Variants in FBXO25 observed in about 807,000 individuals in gnomAD.
The protein encoded by FBXO25 is F-box protein 25.
In FBXO25, 45 loss-of-function variants were observed where a neutral mutation model predicts 51.9. The observed-to-expected ratio is 0.87, with a 90% CI of 0.68 to 1.11. The LOEUF (loss-of-function observed/expected upper bound fraction) is 1.11, where lower values mean the gene tolerates loss of function less well. Ranked by LOEUF, FBXO25 falls within the 50% of genes most tolerant of loss-of-function variation. The probability of loss-of-function intolerance (pLI) is 0.00; values close to 1 mark genes in which losing one functional copy is unlikely to be tolerated. For synonymous variants in FBXO25, 199 were observed against 151.0 expected, an observed-to-expected ratio of 1.32 and a Z score of -2.33; for missense variants, 507 against 428.5, an observed-to-expected ratio of 1.18 and a Z score of -1.62.
chr8:455,094 T>A (rs1385308491), intron 7 of FBXO25, among the ~76,000 whole-genome samples: 1 of 152,114 alleles, frequency 6.6e-6, no homozygotes, highest in Non-Finnish European at 1.5e-5. Flanking sequence ...AATTGACTCC[T>A]GTGAGAAGGT....
chr8:451,612 GAC>G (rs1325279258), intron 7 of FBXO25, among the ~76,000 whole-genome samples, 159 bp downstream of exon 7: 1 of 152,156 alleles, frequency 6.6e-6, no homozygotes, highest in Non-Finnish European at 1.5e-5. Flanking sequence ...AAGGACCAAA[GAC>G]CCCAATGGCT....
At chr8:407,905 C>T (rs1043448150) in intron 1 of FBXO25, among the ~76,000 whole-genome samples, 9 of 152,214 alleles carry the variant, frequency 5.9e-5, no homozygotes, top group South Asian at 2.1e-4. Context: ...TGTCCTTGGG[C>T]CTATTCAAAC....
At chr8:437,423 T>C (rs1471925390) in intron 5 of FBXO25, among the ~76,000 whole-genome samples, 1 of 152,188 alleles carries the variant, frequency 6.6e-6, no homozygotes, top group African/African-American at 2.4e-5. Flanking sequence ...TCTCTGTTGA[T>C]TGCTGCCTTC....
At chr8:449,562 G>C (rs1160414174) in intron 5 of FBXO25, among the ~76,000 whole-genome samples, 1 of 152,202 alleles carries the variant, frequency 6.6e-6, no homozygotes. Context: ...TTGATTTTCT[G>C]ATTGTCTGTT....
At chr8:467,891 AG>A in intron 9 of FBXO25, 1 of 1,523,392 alleles carries the variant, frequency 6.6e-7, no homozygotes, top group South Asian at 1.3e-5. Flanking sequence ...AGCAGGGCTG[AG>A]TGGCCACTTT....
intron 8 of FBXO25, among the ~76,000 whole-genome samples, chr8:462,262 G>A (rs577180434): frequency 2.6e-5 from 4 of 152,230 alleles, no homozygotes; most frequent in East Asian, 1.9e-4. Flanking sequence ...TGAGGTTATC[G>A]TCCATTTCTG....
At position 469,132 on chromosome 8, in the gene FBXO25, G is replaced by A. The variant is rs531871915; in HGVS notation, c.*328G>A. On this transcript the variant is annotated 3_prime_UTR_variant, in exon 10 of 10. Coordinates refer to ENST00000350302, the MANE Select transcript of FBXO25 (RefSeq NM_183420.2). Reference sequence around the variant, plus strand: ...CATTCTTTGTTGACGTGACACTAACGGCCAATAATATGCTTCTTAATTATC... The same window carrying A: ...CATTCTTTGTTGACGTGACACTAACAGCCAATAATATGCTTCTTAATTATC... The A allele has an allele frequency of 2.9e-5, 7 of 240,902 alleles. No individual in the cohort carries two copies. The highest frequency in any genetic ancestry group is 5.5e-5 in the Admixed American group (1 of 18,230). 14.9% of individuals were successfully genotyped at this position (240,902 alleles called of 1,614,324 possible).
rs988363564 is a variant in FBXO25 at position 407,501 on chromosome 8, T to G, written c.-8+435T>G. ...GGTGGGCACGGGGGCCGCCCACAGG[T>G]GCACCGCGCGTCCTCAGCCGCTTCC... On this transcript the variant is annotated intron_variant, in intron 1 of 9. Transcript: ENST00000350302. The G allele has an allele frequency of 3.3e-4, 314 of 938,200 alleles. No individual in the cohort carries two copies. In the African/African-American group the frequency reaches 5.3e-3, roughly 16 times the overall value. The allele number at this position is 938,200 out of a possible 1,614,324, so 58.1% of individuals were successfully genotyped here.
rs897099237 is a variant in FBXO25 at position 470,234 on chromosome 8, A to G, written c.*1430A>G. 9 of 152,306 alleles carry G rather than the reference A, an allele frequency of 5.9e-5. No homozygotes were observed. Among genetic ancestry groups the G allele is most frequent in the African/African-American group, 2.2e-4 (9 of 41,566 alleles). The allele number at this position is 152,306 out of a possible 1,614,324, so 9.4% of individuals were successfully genotyped here. On this transcript the variant is annotated 3_prime_UTR_variant, in exon 10 of 10. Transcript: ENST00000350302. ...CGCCGTTAGCATCAATAACTATGATAAGCATCGTCACACAACAATGTGGCC... is the reference window on the plus strand; with the variant it reads ...CGCCGTTAGCATCAATAACTATGATGAGCATCGTCACACAACAATGTGGCC...
intron 9 of FBXO25, among the ~76,000 whole-genome samples, chr8:465,461 T>C (rs2116843025): frequency 1.3e-5 from 2 of 152,324 alleles, no homozygotes; most frequent in Non-Finnish European, 1.5e-5. Flanking sequence ...CAGTTTTGTA[T>C]GTGGTAGTAT....
At chr8:411,763 A>C (rs966147370) in intron 1 of FBXO25, among the ~76,000 whole-genome samples, 19 of 152,100 alleles carry the variant, frequency 1.2e-4, no homozygotes, top group Admixed American at 1.0e-3. Context: ...GGGTTGAGGC[A>C]GCAGAAGGGC....
intron 5 of FBXO25, among the ~76,000 whole-genome samples, chr8:443,508 A>G (rs1375520624): frequency 7.3e-5 from 11 of 151,664 alleles, no homozygotes; most frequent in Non-Finnish European, 1.6e-4. Context: ...TGAACATTTG[A>G]CAGAGTCAAA....
intron 7 of FBXO25, among the ~76,000 whole-genome samples, chr8:454,889 T>TA (rs1376673139): frequency 2.1e-5 from 1 of 46,600 alleles, no homozygotes; most frequent in African/African-American, 1.8e-4. Flanking sequence ...AGACTCCATC[T>TA]CAAAAAAAGA....
At chr8:454,531 T>A (rs866115286) in intron 7 of FBXO25, among the ~76,000 whole-genome samples, 2 of 152,198 alleles carry the variant, frequency 1.3e-5, no homozygotes, top group Admixed American at 6.5e-5. Flanking sequence ...TGGGGTGTTA[T>A]AACAGATATG....
intron 6 of FBXO25, among the ~76,000 whole-genome samples, chr8:450,418 C>T (rs1031120289): frequency 6.6e-6 from 1 of 152,324 alleles, no homozygotes; most frequent in Admixed American, 6.5e-5. Flanking sequence ...GTGACTTACT[C>T]ACTTAGGCAT....
At chr8:457,777 A>G (rs11984501) in intron 7 of FBXO25, among the ~76,000 whole-genome samples, 6,017 of 152,340 alleles carry the variant, frequency 0.039, 332 homozygotes, top group African/African-American at 0.13. Context: ...ACAGAACACC[A>G]CATGCTGCCA....
At chr8:443,058 C>T (rs989220091) in intron 5 of FBXO25, among the ~76,000 whole-genome samples, 1 of 151,806 alleles carries the variant, frequency 6.6e-6, no homozygotes, top group Admixed American at 6.6e-5. Context: ...TGGCCATTTC[C>T]ATTGAAGGAA....
intron 7 of FBXO25, among the ~76,000 whole-genome samples, chr8:457,820 C>T (rs995751959): frequency 2.0e-5 from 3 of 152,158 alleles, no homozygotes; most frequent in African/African-American, 4.8e-5. Flanking sequence ...AGTTACACCT[C>T]AATAAAGAAA....
intron 4 of FBXO25, among the ~76,000 whole-genome samples, chr8:433,749 G>C (rs1235042988): frequency 1.3e-5 from 2 of 152,100 alleles, no homozygotes; most frequent in Admixed American, 6.5e-5. Flanking sequence ...GTTATTTCAG[G>C]GTAAGTTAAA....
Sources: gnomAD v4.1 joint callset for allele counts (sites outside exome capture counted in the v4.1 genomes callset) on GRCh38, gnomAD v4.1.1 for gene constraint, MANE v1.5 for transcripts, NCBI Gene and HGNC (gene_info 2026-07-23, HGNC 2026-07-21) for gene names.